Variants in PCCB observed in about 807,000 individuals in gnomAD.
PCCB encodes propionyl-CoA carboxylase subunit beta.
In PCCB, 43 loss-of-function variants were observed where a neutral mutation model predicts 60.7. The ratio of observed to expected loss-of-function variants is 0.71; its 90% CI spans 0.55 to 0.91. The LOEUF is 0.91. Among genes scored for constraint, PCCB ranks in the 40% least tolerant of loss-of-function variants. The pLI is 0.00. For synonymous variants in PCCB, 276 were observed against 255.9 expected (o/e 1.08, Z -0.75); for missense variants, 766 against 702.8 (o/e 1.09, Z -1.02).
intron 10 of PCCB, among the ~76,000 whole-genome samples, chr3:136,322,998 G>GTT (rs35582341): frequency 8.2e-6 from 1 of 121,314 alleles, no homozygotes; most frequent in Non-Finnish European, 1.8e-5. Context: ...TAAATGATGA[G>GTT]TTTTTTTTTT....
chr3:136,285,061 T>G (rs983794385), intron 6 of PCCB, among the ~76,000 whole-genome samples: 7 of 142,352 alleles, frequency 4.9e-5, no homozygotes, highest in Non-Finnish European at 7.5e-5. Context: ...GCACTCTAGC[T>G]CTGGGTGACA....
At chr3:136,262,467 A>G (rs1271002139) in intron 5 of PCCB, among the ~76,000 whole-genome samples, 5 of 152,342 alleles carry the variant, frequency 3.3e-5, no homozygotes, top group Non-Finnish European at 4.4e-5. Flanking sequence ...ATTATTAAAT[A>G]AAGTCCAAGC....
At chr3:136,255,248 C>T (rs1941637526) in intron 1 of PCCB, 8 of 157,822 alleles carry the variant, frequency 5.1e-5, no homozygotes, top group Admixed American at 4.9e-4. Context: ...TACTCAGCCA[C>T]TCCCTGCTGT....
chr3:136,323,867 T>A (rs1307380615), intron 10 of PCCB, among the ~76,000 whole-genome samples: 2 of 151,902 alleles, frequency 1.3e-5, no homozygotes, highest in Non-Finnish European at 2.9e-5. Flanking sequence ...AAGTTCAGTG[T>A]CTATGCTTAC....
Position 136,317,059 on chromosome 3 carries a change from C to G in PCCB, c.1085C>G (p.Ala362Gly). 1 of 1,613,922 alleles carries G rather than the reference C, an allele frequency of 6.2e-7. No individual in the cohort carries two copies. Among genetic ancestry groups the G allele is most frequent in the Non-Finnish European group, 8.5e-7 (1 of 1,180,000 alleles). ...ATTGTTGGCAACCAACCTAAGGTGGCCTCAGGTAGGATGGAGCTCTTATAA... is the reference window on the plus strand; with the variant it reads ...ATTGTTGGCAACCAACCTAAGGTGGGCTCAGGTAGGATGGAGCTCTTATAA... Reference protein sequence around the residue: ...VGIVGNQPKVASGCLDINSSV... With the variant: ...VGIVGNQPKVGSGCLDINSSV... The change falls in exon 10 of 15, where the codon GCC becomes GGC. Residue 362 changes from alanine to glycine, a missense_variant. Transcript: ENST00000251654.
intron 3 of PCCB, among the ~76,000 whole-genome samples, chr3:136,257,916 G>A (rs559667710): frequency 6.6e-6 from 1 of 152,324 alleles, no homozygotes; most frequent in South Asian, 2.1e-4. Context: ...CTGGGTGGCA[G>A]AGTGAGACTC....
chr3:136,307,741 T>C (rs1310618058), intron 9 of PCCB, among the ~76,000 whole-genome samples: 1 of 152,080 alleles, frequency 6.6e-6, no homozygotes. Flanking sequence ...TTTGGGAGGC[T>C]GAGGCGAGCA....
At chr3:136,324,892 C>G (rs1935246781) in intron 10 of PCCB, among the ~76,000 whole-genome samples, 1 of 152,012 alleles carries the variant, frequency 6.6e-6, no homozygotes, top group African/African-American at 2.4e-5. Flanking sequence ...GCTTTCATAC[C>G]ATTTTCTTTT....
Position 136,262,003 on chromosome 3 carries a change from T to C in PCCB, c.481T>C (p.Ser161Pro). ...VGAPVIGLND[S>P]GGARIQEGVE... Reference sequence around the variant, plus strand: ...GGCTCCAGTGATTGGGCTGAATGACTCTGGGGGAGCACGGATCCAAGAAGG... The same window carrying C: ...GGCTCCAGTGATTGGGCTGAATGACCCTGGGGGAGCACGGATCCAAGAAGG... The change falls in exon 5 of 15, where the codon TCT becomes CCT. Residue 161 changes from serine to proline, a missense_variant. Transcript: ENST00000251654. The C allele has an allele frequency of 6.4e-7, 1 of 1,562,490 alleles. No homozygotes were observed. Among genetic ancestry groups the C allele is most frequent in the Non-Finnish European group, 8.7e-7 (1 of 1,152,152 alleles).
At chr3:136,256,708 T>G (rs1162235344) in intron 3 of PCCB, 85 bp downstream of exon 3, 1 of 950,362 alleles carries the variant, frequency 1.1e-6, no homozygotes, top group Non-Finnish European at 1.7e-6. Flanking sequence ...TCTTGGGGAA[T>G]GAAAACTTGC....
At chr3:136,307,803 C>G (rs1428532149) in intron 9 of PCCB, among the ~76,000 whole-genome samples, 1 of 151,812 alleles carries the variant, frequency 6.6e-6, no homozygotes, top group Non-Finnish European at 1.5e-5. Flanking sequence ...TGGAGAAACC[C>G]TATCTCTACT....
At chr3:136,296,105 A>G (rs1576336587) in intron 7 of PCCB, among the ~76,000 whole-genome samples, 1 of 152,172 alleles carries the variant, frequency 6.6e-6, no homozygotes, top group South Asian at 2.1e-4. Context: ...ATTGAGATGT[A>G]ATTCATATAC....
At chr3:136,256,219 A>C in intron 2 of PCCB, 1 of 581,450 alleles carries the variant, frequency 1.7e-6, no homozygotes, top group Non-Finnish European at 3.0e-6. Context: ...TTGGGACTAC[A>C]GGCGTGAGCG....
intron 6 of PCCB, 120 bp from the exon 7 acceptor site, chr3:136,293,636 T>G: frequency 1.3e-6 from 1 of 776,282 alleles, no homozygotes; most frequent in Non-Finnish European, 2.3e-6. Context: ...AGCTACATCC[T>G]ATCCTCATTC....
chr3:136,317,560 T>C (rs1011791005), intron 10 of PCCB, among the ~76,000 whole-genome samples: 5 of 152,112 alleles, frequency 3.3e-5, no homozygotes, highest in Non-Finnish European at 7.3e-5. Context: ...CTCAAAATGC[T>C]TCTTTCATAC....
At chr3:136,274,855 C>G (rs2108169184) in intron 5 of PCCB, among the ~76,000 whole-genome samples, 1 of 149,768 alleles carries the variant, frequency 6.7e-6, no homozygotes, top group Non-Finnish European at 1.5e-5. Context: ...GAGATAGGGT[C>G]TTACTCTGTT....
intron 6 of PCCB, among the ~76,000 whole-genome samples, chr3:136,284,962 C>A (rs1421523539): frequency 1.3e-5 from 2 of 151,848 alleles, no homozygotes; most frequent in African/African-American, 4.8e-5. Context: ...GTGGTGCATA[C>A]CTGTGGTCCC....
At chr3:136,276,965 A>C (rs1485745028) in intron 5 of PCCB, among the ~76,000 whole-genome samples, 1 of 152,278 alleles carries the variant, frequency 6.6e-6, no homozygotes, top group Non-Finnish European at 1.5e-5. Context: ...AGCCAGGATA[A>C]GTTGATTGCT....
intron 1 of PCCB, 130 bp from the exon 2 acceptor site, chr3:136,255,726 G>A: frequency 1.2e-6 from 1 of 814,554 alleles, no homozygotes; most frequent in East Asian, 2.4e-5. Context: ...GGGCAGGTTG[G>A]ATAGAATGAA....
Sources: allele counts gnomAD v4.1 joint callset (sites outside exome capture counted in the v4.1 genomes callset), GRCh38; gene constraint gnomAD v4.1.1; transcripts MANE v1.5; gene names NCBI Gene and HGNC (gene_info 2026-07-23, HGNC 2026-07-21).